Variants in MRTFA observed in about 807,000 individuals in gnomAD.
MRTFA encodes the protein myocardin related transcription factor A.
Under a neutral mutation model 83.5 loss-of-function variants are expected in MRTFA, and 20 were observed. The observed-to-expected ratio is 0.24, with a 90% CI of 0.17 to 0.35. The LOEUF is 0.35. Ranked by LOEUF, MRTFA falls within the 10% of genes least tolerant of loss-of-function variation. MRTFA has a pLI of 1.00. For missense variants in MRTFA, 1,200 were observed against 1,224.7 expected (o/e 0.98, Z 0.30); for synonymous variants, 659 against 541.2 (o/e 1.22, Z -3.02).
At chr22:40,564,464 T>C (rs2055673485) in intron 2 of MRTFA, among the ~76,000 whole-genome samples, 1 of 152,144 alleles carries the variant, frequency 6.6e-6, no homozygotes. Flanking sequence ...CTTTCAAACC[T>C]GACTCAGTTG....
chr22:40,469,490 C>T (rs1241874058), intron 3 of MRTFA, among the ~76,000 whole-genome samples: 3 of 152,110 alleles, frequency 2.0e-5, no homozygotes, highest in Non-Finnish European at 2.9e-5. Context: ...CTTGTACAGC[C>T]TGAAAAACCA....
chr22:40,546,697 A>G (rs2055369789), intron 3 of MRTFA, among the ~76,000 whole-genome samples: 1 of 152,232 alleles, frequency 6.6e-6, no homozygotes, highest in Admixed American at 6.5e-5. Context: ...TTGCTGGGAA[A>G]GATTTCAGTT....
intron 4 of MRTFA, among the ~76,000 whole-genome samples, chr22:40,448,900 G>A (rs1167887529): frequency 6.6e-6 from 1 of 152,180 alleles, no homozygotes; most frequent in Non-Finnish European, 1.5e-5. Flanking sequence ...CCGAGCATTG[G>A]AGATGAACGC....
chr22:40,420,372 G>A (rs772414353), intron 11 of MRTFA, 33 bp downstream of exon 11: 2 of 1,601,504 alleles, frequency 1.2e-6, no homozygotes, highest in South Asian at 1.1e-5. Flanking sequence ...GGGCCAGGCT[G>A]GCAGTGGCTC....
chr22:40,441,831 TACACACAC>T (rs562549245), intron 4 of MRTFA, among the ~76,000 whole-genome samples: 1 of 147,840 alleles, frequency 6.8e-6, no homozygotes, highest in Non-Finnish European at 1.5e-5. Context: ...TATATATATA[TACACACAC>T]ACACACACAC....
intron 4 of MRTFA, among the ~76,000 whole-genome samples, chr22:40,461,444 G>A (rs757295514): frequency 1.3e-5 from 2 of 151,736 alleles, no homozygotes; most frequent in Non-Finnish European, 2.9e-5. Context: ...CTTGAGCCCA[G>A]GAGGTTGAGT....
rs774307894 is a variant in MRTFA, at chr22:40,423,661, G to C, written c.802C>G (p.Arg268Gly). ...AGGAAAAGCATTTCTCTGGAATCCCGGCCCATCGGAAGTTGAGACACAACC... is the reference window on the plus strand; with the variant it reads ...AGGAAAAGCATTTCTCTGGAATCCCCGCCCATCGGAAGTTGAGACACAACC... Residue 268 changes from arginine to glycine, a missense_variant, in exon 9 of 15, where the codon CGG (arginine) becomes GGG (glycine). Arg to Gly is a moderately radical substitution (Grantham distance 125). Coordinates refer to ENST00000355630, the MANE Select transcript of MRTFA (RefSeq NM_020831.6). The C allele has an allele frequency of 1.9e-6, 3 of 1,576,446 alleles. No individual in the cohort carries two copies. Among genetic ancestry groups the C allele is most frequent in the Non-Finnish European group, 2.6e-6 (3 of 1,160,350 alleles).
intron 3 of MRTFA, among the ~76,000 whole-genome samples, chr22:40,537,177 C>T (rs1477008045): frequency 3.2e-5 from 1 of 31,300 alleles, no homozygotes; most frequent in Non-Finnish European, 6.4e-5. Context: ...TCTGCCCGGC[C>T]GCCCCTACTG....
At chr22:40,429,819 C>A in intron 6 of MRTFA, 52 bp from the exon 7 acceptor site, 1 of 1,540,640 alleles carries the variant, frequency 6.5e-7, no homozygotes, top group South Asian at 1.2e-5. Context: ...GGACGTGGTT[C>A]TGCCCCGGGA....
In MRTFA at chr22:40,419,135, T is replaced by C; in HGVS notation, c.1603A>G (p.Thr535Ala). Reference sequence around the variant, plus strand: ...TTCACCACCCCACTGCTGGCCACCGTGGCCACCACCACCTCAGCTGGAGCC... The same window carrying C: ...TTCACCACCCCACTGCTGGCCACCGCGGCCACCACCACCTCAGCTGGAGCC... Residue 535 changes from threonine (T) to alanine (A), a missense_variant, in exon 12 of 15, where the codon ACG becomes GCG. By Grantham distance (58) the Thr-to-Ala change is moderately conservative (BLOSUM62 0). Coordinates refer to ENST00000355630, the MANE Select transcript of MRTFA (RefSeq NM_020831.6). 1 of 1,587,884 alleles carries C rather than the reference T, an allele frequency of 6.3e-7. No individual in the cohort carries two copies. The highest frequency in any genetic ancestry group is 8.6e-7 in the Non-Finnish European group (1 of 1,167,114).
chr22:40,634,805 CTT>C (rs2147458478), intron 1 of MRTFA, among the ~76,000 whole-genome samples: 1 of 152,300 alleles, frequency 6.6e-6, no homozygotes, highest in East Asian at 1.9e-4. Flanking sequence ...ATTTCATACT[CTT>C]TTTAATCACT....
chr22:40,631,014 ACAGAGAGCC>A (rs1452610505), intron 1 of MRTFA, among the ~76,000 whole-genome samples: 14 of 152,284 alleles, frequency 9.2e-5, no homozygotes, highest in Admixed American at 3.3e-4. Flanking sequence ...CATTCTACAG[ACAGAGAGCC>A]CAGTAAATTC....
At chr22:40,548,244 A>C (rs1460249294) in intron 3 of MRTFA, among the ~76,000 whole-genome samples, 1 of 150,874 alleles carries the variant, frequency 6.6e-6, no homozygotes, top group Non-Finnish European at 1.5e-5. Context: ...CTGTAATCCC[A>C]GCTACTCAGG....
At position 40,411,854 on chromosome 22, in the gene MRTFA, A is replaced by T; in HGVS notation, c.2632T>A (p.Ser878Thr). 6.7e-7 allele frequency: 1 copy of T among 1,493,618 alleles called. No individual in the cohort carries two copies. Among genetic ancestry groups the T allele is most frequent in the Non-Finnish European group, 8.9e-7 (1 of 1,120,138 alleles). 92.5% of individuals were successfully genotyped at this position (1,493,618 alleles called of 1,614,324 possible). A position where few individuals can be genotyped will look rare whatever the true frequency, so the allele number is the denominator to read the frequency against. Residue 878 changes from serine to threonine, a missense_variant, in exon 15 of 15, where the codon TCC (serine) becomes ACC (threonine). By Grantham distance (58) the Ser-to-Thr change is moderately conservative (BLOSUM62 1). Around this residue, in one of 2 missense-constraint regions of MRTFA, gnomAD observed 1,107 missense variants for 1,041.8 expected, o/e 1.06. Transcript: ENST00000355630. The stretch of plus-strand genomic sequence containing the variant: ...GGGGACCCACAGACTGTCTTCGGGG[A>T]TGGCTTCTCCTTCCCTGGCAGGGAT...
At chr22:40,493,229 G>A (rs909906307) in intron 3 of MRTFA, among the ~76,000 whole-genome samples, 1 of 152,184 alleles carries the variant, frequency 6.6e-6, no homozygotes, top group Non-Finnish European at 1.5e-5. Context: ...CTAAACAGAA[G>A]GGGGAAGATA....
chr22:40,413,741 C>G (rs1421095948), intron 14 of MRTFA, among the ~76,000 whole-genome samples: 1 of 152,168 alleles, frequency 6.6e-6, no homozygotes, highest in Non-Finnish European at 1.5e-5. Context: ...CCACGCCCAG[C>G]CGATTTATCA....
At chr22:40,452,827 T>G (rs868429990) in intron 4 of MRTFA, among the ~76,000 whole-genome samples, 6 of 136,966 alleles carry the variant, frequency 4.4e-5, no homozygotes, top group Admixed American at 3.6e-4. Context: ...AAAAAAAAAA[T>G]GATGACGACT....
intron 3 of MRTFA, among the ~76,000 whole-genome samples, chr22:40,501,921 A>G (rs1421692870): frequency 2.9e-5 from 2 of 69,396 alleles, no homozygotes; most frequent in Non-Finnish European, 5.6e-5. Context: ...ACTTCCCAGT[A>G]GGGGCGGCTG....
intron 11 of MRTFA, among the ~76,000 whole-genome samples, chr22:40,420,198 G>A (rs1187576002): frequency 2.0e-5 from 3 of 152,344 alleles, no homozygotes; most frequent in East Asian, 3.9e-4. Flanking sequence ...GGAAGCTGGT[G>A]TCATTCACCA....
Sources: allele counts gnomAD v4.1 joint callset (sites outside exome capture counted in the v4.1 genomes callset), GRCh38; gene constraint gnomAD v4.1.1; regional missense constraint gnomAD v4.1.1; transcripts MANE v1.5; gene names NCBI Gene and HGNC (gene_info 2026-07-23, HGNC 2026-07-21).